Variants in EPB41L4A observed in about 807,000 individuals in gnomAD.
EPB41L4A encodes band 4.1-like protein 4A.
Under a neutral mutation model 108.6 loss-of-function variants are expected in EPB41L4A, and 100 were observed. The observed-to-expected ratio is 0.92, with a 90% confidence interval of 0.78 to 1.09. The LOEUF (loss-of-function observed/expected upper bound fraction) is 1.09, where lower values mean the gene tolerates loss of function less well. Among genes scored for constraint, EPB41L4A ranks in the 50% least tolerant of loss-of-function variants. EPB41L4A has a pLI of 0.00. For synonymous variants in EPB41L4A, 319 were observed against 289.0 expected (o/e 1.10, Z -1.05); for missense variants, 1,030 against 842.7 (o/e 1.22, Z -2.75).
intron 9 of EPB41L4A, among the ~76,000 whole-genome samples, chr5:112,248,602 TC>T (rs1445962964): frequency 6.6e-6 from 1 of 152,172 alleles, no homozygotes; most frequent in Non-Finnish European, 1.5e-5. Context: ...AACCCCCAAT[TC>T]CATCATTTGT....
chr5:112,280,071 A>T (rs2150505502), intron 3 of EPB41L4A, among the ~76,000 whole-genome samples: 1 of 152,286 alleles, frequency 6.6e-6, no homozygotes, highest in East Asian at 1.9e-4. Flanking sequence ...ACTAAGATCC[A>T]CTCAGAAACT....
At position 112,299,404 on chromosome 5, in the gene EPB41L4A, A is replaced by T. The variant is rs527638030; in HGVS notation, c.204+7982T>A. On this transcript the variant is annotated intron_variant, in intron 2 of 22. Coordinates refer to ENST00000261486, the MANE Select transcript of EPB41L4A (RefSeq NM_022140.5). Reference sequence around the variant, plus strand: ...TATGGTCTGAGAGAGTACTTGATATAATTTCAGTTTTCTTAAATTTATTCA... The same window carrying T: ...TATGGTCTGAGAGAGTACTTGATATTATTTCAGTTTTCTTAAATTTATTCA... Among the ~76,000 whole-genome samples the T allele has an allele frequency of 7.8e-4, 119 of 152,290 alleles. 1 individual carries two copies. Among genetic ancestry groups the T allele is most frequent in the African/African-American group, 2.4e-3 (101 of 41,568 alleles).
intron 1 of EPB41L4A, among the ~76,000 whole-genome samples, chr5:112,348,053 C>T (rs1408517282): frequency 6.6e-6 from 1 of 152,204 alleles, no homozygotes; most frequent in Non-Finnish European, 1.5e-5. Flanking sequence ...ATGTTTATCT[C>T]CAACCTGCCT....
At chr5:112,179,428 TAAC>T (rs953804418) in intron 18 of EPB41L4A, among the ~76,000 whole-genome samples, 8 of 152,100 alleles carry the variant, frequency 5.3e-5, no homozygotes, top group Admixed American at 5.2e-4. Context: ...AAAAAAATCT[TAAC>T]AAGGTAATGC....
chr5:112,232,066 G>A (rs1748994400), intron 12 of EPB41L4A, among the ~76,000 whole-genome samples: 1 of 149,418 alleles, frequency 6.7e-6, no homozygotes, highest in East Asian at 2.0e-4. Context: ...GTGAGCTATG[G>A]CCACAACACT....
At chr5:112,379,975 T>A (rs560479281) in intron 1 of EPB41L4A, among the ~76,000 whole-genome samples, 1 of 152,372 alleles carries the variant, frequency 6.6e-6, no homozygotes, top group East Asian at 1.9e-4. Context: ...ATACAATTTC[T>A]CTATTTTATT....
rs115224819 is a variant in EPB41L4A at position 112,288,746 on chromosome 5, A to G, written c.205-8423T>C. ...AACATATCTTATCACCTTAATTCAC[A>G]TATCTTCAGATCAAAAGGAACTGTA... On this transcript the variant is annotated intron_variant, in intron 2 of 22. Coordinates refer to ENST00000261486, the MANE Select transcript of EPB41L4A (RefSeq NM_022140.5). 6.7e-3 allele frequency among the ~76,000 whole-genome samples: 1,026 copies of G among 152,256 alleles called. 7 individuals are homozygous for G. Among genetic ancestry groups the G allele is most frequent in the African/African-American group, 0.024 (983 of 41,544 alleles).
intron 1 of EPB41L4A, among the ~76,000 whole-genome samples, chr5:112,394,043 T>G (rs1761154636): frequency 6.6e-6 from 1 of 152,206 alleles, no homozygotes; most frequent in Non-Finnish European, 1.5e-5. Flanking sequence ...TCAACAGCCC[T>G]TCATGCCAAA....
chr5:112,189,743 A>C (rs1396606634), intron 17 of EPB41L4A, among the ~76,000 whole-genome samples: 1 of 152,182 alleles, frequency 6.6e-6, no homozygotes, highest in Non-Finnish European at 1.5e-5. Flanking sequence ...CCAAACTTCT[A>C]AGAGCCTAGA....
At chr5:112,215,715 A>T (rs1279121670) in intron 12 of EPB41L4A, among the ~76,000 whole-genome samples, 2 of 142,290 alleles carry the variant, frequency 1.4e-5, no homozygotes, top group African/African-American at 5.2e-5. Flanking sequence ...GTGAGCAGAG[A>T]TCGCGCCACT....
chr5:112,308,294 C>T (rs1238903037), intron 1 of EPB41L4A, among the ~76,000 whole-genome samples: 1 of 152,176 alleles, frequency 6.6e-6, no homozygotes, highest in Non-Finnish European at 1.5e-5. Flanking sequence ...CAACAAGTCT[C>T]ACATTATGGT....
chr5:112,384,953 C>T (rs1305008926), intron 1 of EPB41L4A, among the ~76,000 whole-genome samples: 1 of 152,224 alleles, frequency 6.6e-6, no homozygotes, highest in East Asian at 1.9e-4. Context: ...GGTTGCCAGT[C>T]CTGATCACTG....
At chr5:112,196,966 TCCTGCTA>T (rs2150272507) in intron 15 of EPB41L4A, 1 of 152,334 alleles carries the variant, frequency 6.6e-6, no homozygotes, top group South Asian at 2.1e-4. Flanking sequence ...TCTTTCATCT[TCCTGCTA>T]CCAAAAATAA....
intron 12 of EPB41L4A, among the ~76,000 whole-genome samples, chr5:112,214,816 T>C (rs1747498853): frequency 6.6e-6 from 1 of 152,052 alleles, no homozygotes; most frequent in African/African-American, 2.4e-5. Context: ...TTCCTGCACT[T>C]CACAATCATC....
intron 12 of EPB41L4A, among the ~76,000 whole-genome samples, chr5:112,215,190 T>C (rs1747528648): frequency 6.6e-6 from 1 of 152,208 alleles, no homozygotes; most frequent in African/African-American, 2.4e-5. Context: ...ATAGATGTGG[T>C]GGTACCTGAG....
At chr5:112,404,732 C>A (rs1019781956) in intron 1 of EPB41L4A, among the ~76,000 whole-genome samples, 1 of 152,108 alleles carries the variant, frequency 6.6e-6, no homozygotes, top group African/African-American at 2.4e-5. Flanking sequence ...ATTTAAGTTC[C>A]GGATGGTTAG....
intron 1 of EPB41L4A, 51 bp from the exon 2 acceptor site, chr5:112,307,541 G>T: frequency 8.7e-7 from 1 of 1,154,036 alleles, no homozygotes; most frequent in Non-Finnish European, 1.3e-6. Flanking sequence ...TTGTTCCTAA[G>T]TAGTACACAG....
intron 1 of EPB41L4A, among the ~76,000 whole-genome samples, chr5:112,326,522 T>A (rs544539940): frequency 2.4e-4 from 36 of 152,320 alleles, no homozygotes; most frequent in Admixed American, 2.0e-3. Context: ...AAGGAAAGAT[T>A]GCTATTAGAA....
intron 18 of EPB41L4A, among the ~76,000 whole-genome samples, chr5:112,177,244 C>T (rs1310218007): frequency 6.6e-6 from 1 of 152,164 alleles, no homozygotes; most frequent in East Asian, 1.9e-4. Flanking sequence ...TGTTTTCCAT[C>T]TTCTGGAGCT....
Sources: gnomAD v4.1 joint callset for allele counts (sites outside exome capture counted in the v4.1 genomes callset) on GRCh38, gnomAD v4.1.1 for gene constraint, MANE v1.5 for transcripts, NCBI Gene and HGNC (gene_info 2026-07-23, HGNC 2026-07-21) for gene names.